GLIS3: variants seen among roughly 807,000 people sequenced by gnomAD.
The protein encoded by GLIS3 is zinc finger protein GLIS3.
Under a neutral mutation model 78.6 loss-of-function variants are expected in GLIS3, and 53 were observed. That is an observed-to-expected ratio of 0.67 (90% CI 0.54 to 0.85). The LOEUF (loss-of-function observed/expected upper bound fraction) is 0.85, where lower values mean the gene tolerates loss of function less well. Ranked by LOEUF, GLIS3 falls within the 40% of genes least tolerant of loss-of-function variation. GLIS3 has a pLI of 0.00. For missense variants in GLIS3, 1,703 were observed against 1,231.1 expected (o/e 1.38, Z -5.74); for synonymous variants, 684 against 509.9 (o/e 1.34, Z -4.60).
intron 2 of GLIS3, among the ~76,000 whole-genome samples, chr9:4,330,964 G>C (rs1412547032): frequency 1.3e-5 from 2 of 152,176 alleles, no homozygotes; most frequent in Non-Finnish European, 2.9e-5. Context: ...TGTGTGGTTA[G>C]GACCCTTTAC....
chr9:4,465,062 T>C, the GLIS3 span, among the ~76,000 whole-genome samples: 5 of 152,248 alleles, frequency 3.3e-5, no homozygotes, highest in African/African-American at 4.8e-5. Context: ...CTCTGCTTTA[T>C]ATTTGCATAC....
chr9:4,126,467 T>G (rs1832592067), intron 2 of GLIS3, among the ~76,000 whole-genome samples: 1 of 142,818 alleles, frequency 7.0e-6, no homozygotes, highest in African/African-American at 2.6e-5. Context: ...ACATTGTCAT[T>G]GGACATCTAC....
At chr9:4,242,027 C>G (rs1365421171) in intron 2 of GLIS3, among the ~76,000 whole-genome samples, 1 of 152,166 alleles carries the variant, frequency 6.6e-6, no homozygotes, top group South Asian at 2.1e-4. Flanking sequence ...TTACTGTTCT[C>G]TTCTTACATG....
chr9:4,297,421 A>C (rs10814918), intron 1 of GLIS3, among the ~76,000 whole-genome samples: 88,232 of 152,010 alleles, frequency 0.58, 25,727 homozygotes, highest in African/African-American at 0.6. Context: ...TCTAGCTTTA[A>C]TAGTCTCTCC....
At chr9:3,995,190 A>G (rs560199761) in intron 4 of GLIS3, among the ~76,000 whole-genome samples, 105 of 152,314 alleles carry the variant, frequency 6.9e-4, no homozygotes, top group Non-Finnish European at 1.1e-3. Flanking sequence ...GGGGAAGGGA[A>G]AAATGAGTCT....
rs1244614196 is a variant in GLIS3, at chr9:4,094,897, AT to A, written c.1710+22870del. On this transcript the variant is annotated intron_variant, in intron 4 of 10. Transcript: ENST00000381971. ...GAAGTATTTTTAATTGCTTAATTTT[AT>A]TTTTATTTAACATAATAATTGTACA... Among the ~76,000 whole-genome samples, 4 of 120,452 alleles carry A rather than the reference AT, an allele frequency of 3.3e-5. 1 individual carries two copies. Among genetic ancestry groups the A allele is most frequent in the Admixed American group, 2.4e-4 (3 of 12,558 alleles). 79.0% of individuals were successfully genotyped at this position (120,452 alleles called of 152,430 possible).
intron 2 of GLIS3, among the ~76,000 whole-genome samples, chr9:4,279,346 C>G (rs1277536105): frequency 1.5e-5 from 2 of 130,722 alleles, no homozygotes; most frequent in African/African-American, 2.9e-5. Context: ...CACACACACA[C>G]ACACACACAC....
the GLIS3 span, among the ~76,000 whole-genome samples, chr9:4,374,671 G>C: frequency 1.3e-5 from 2 of 152,210 alleles, no homozygotes; most frequent in Non-Finnish European, 2.9e-5. Flanking sequence ...AAGAGAATGA[G>C]ACCTAAGTTG....
At chr9:4,146,682 C>T (rs1834248684) in intron 2 of GLIS3, among the ~76,000 whole-genome samples, 1 of 152,216 alleles carries the variant, frequency 6.6e-6, no homozygotes, top group Admixed American at 6.5e-5. Context: ...TTAGATTTTT[C>T]AGCAGTAGGG....
At chr9:4,112,914 C>T (rs555655848) in intron 4 of GLIS3, among the ~76,000 whole-genome samples, 1 of 152,110 alleles carries the variant, frequency 6.6e-6, no homozygotes, top group South Asian at 2.1e-4. Flanking sequence ...CCCTCACATC[C>T]CATCTCTTTT....
At chr9:4,135,576 C>G (rs1369684164) in intron 2 of GLIS3, among the ~76,000 whole-genome samples, 1 of 152,054 alleles carries the variant, frequency 6.6e-6, no homozygotes, top group Non-Finnish European at 1.5e-5. Context: ...TTATATTACT[C>G]AAATAACATA....
the GLIS3 span, among the ~76,000 whole-genome samples, chr9:4,445,851 A>C: frequency 6.6e-6 from 1 of 152,222 alleles, no homozygotes; most frequent in Non-Finnish European, 1.5e-5. Flanking sequence ...AATCAACAGC[A>C]TGGTTGAGAC....
chr9:4,466,171 G>T, the GLIS3 span, among the ~76,000 whole-genome samples: 2 of 152,154 alleles, frequency 1.3e-5, no homozygotes, highest in African/African-American at 2.4e-5. Flanking sequence ...GGTATATAAT[G>T]AACAACTTTA....
rs77527371 is a variant in GLIS3 at position 4,012,701 on chromosome 9, C to A, written c.1711-75512G>T. On this transcript the variant is annotated intron_variant, in intron 4 of 10. Transcript: ENST00000381971. The stretch of plus-strand genomic sequence containing the variant: ...GACCCTAGCCACCATCTCTCTTGAT[C>A]TTTGCCTTCTATTTGTTCACATCTT... 9.7e-3 allele frequency among the ~76,000 whole-genome samples: 1,461 copies of A among 149,864 alleles called. 17 individuals carry two copies. The highest frequency in any genetic ancestry group is 0.023 in the East Asian group (116 of 5,070).
chr9:4,419,344 G>C, the GLIS3 span, among the ~76,000 whole-genome samples: 6 of 152,114 alleles, frequency 3.9e-5, no homozygotes, highest in Admixed American at 3.9e-4. Context: ...AAGAAAAGAG[G>C]TTTAATTGGC....
chr9:4,210,208 G>C (rs1045241892), intron 2 of GLIS3, among the ~76,000 whole-genome samples: 1 of 152,180 alleles, frequency 6.6e-6, no homozygotes, highest in African/African-American at 2.4e-5. Context: ...ACCTTCTTGA[G>C]AAAACATCAG....
intron 2 of GLIS3, among the ~76,000 whole-genome samples, chr9:4,263,252 G>C (rs1474022240): frequency 6.6e-6 from 1 of 152,186 alleles, no homozygotes; most frequent in Non-Finnish European, 1.5e-5. Context: ...GGGACAGAGA[G>C]GACAGGTGAT....
intron 2 of GLIS3, among the ~76,000 whole-genome samples, chr9:4,279,408 T>A (rs1827348879): frequency 6.7e-6 from 1 of 148,278 alleles, no homozygotes; most frequent in South Asian, 2.1e-4. Flanking sequence ...TATCAGCGTT[T>A]TTTTTAATGA....
At chr9:4,370,510 G>T in the GLIS3 span, among the ~76,000 whole-genome samples, 1 of 152,030 alleles carries the variant, frequency 6.6e-6, no homozygotes, top group East Asian at 1.9e-4. Context: ...ATTCCAAATT[G>T]TCAAGACCTT....
Sources: gnomAD v4.1 joint callset for allele counts (sites outside exome capture counted in the v4.1 genomes callset) on GRCh38, gnomAD v4.1.1 for gene constraint, MANE v1.5 for transcripts, NCBI Gene and HGNC (gene_info 2026-07-23, HGNC 2026-07-21) for gene names.